The following SEPTIN4 variants were observed in gnomAD, a reference collection of about 807,000 sequenced individuals.
SEPTIN4 encodes the protein septin-4.
SEPTIN4 carries 52 observed loss-of-function variants against 107.1 expected under a neutral mutation model. That is an observed-to-expected ratio of 0.49 (90% CI 0.39 to 0.61). SEPTIN4 has a LOEUF of 0.61. Among genes scored for constraint, SEPTIN4 ranks in the 20% least tolerant of loss-of-function variants. The pLI is 0.00. For missense variants in SEPTIN4, 1,048 were observed against 1,243.5 expected (o/e 0.84, Z 2.36); for synonymous variants, 417 against 467.0 (o/e 0.89, Z 1.38).
chr17:58,520,409 C>A lies in SEPTIN4; in HGVS notation c.*17G>T, dbSNP rs2042133097. On this transcript the variant is annotated 3_prime_UTR_variant, in exon 14 of 14. Coordinates refer to ENST00000672673, the MANE Select transcript of SEPTIN4 (RefSeq NM_001368771.2). ...GAAGAAGAGGAGGAGATTTAAATATCCAGGGCTGAAAGCCAGTTAATAGTT... is the reference window on the plus strand; with the variant it reads ...GAAGAAGAGGAGGAGATTTAAATATACAGGGCTGAAAGCCAGTTAATAGTT... 6.2e-7 allele frequency: 1 copy of A among 1,611,702 alleles called. No homozygotes were observed. The highest frequency in any genetic ancestry group is 1.1e-5 in the South Asian group (1 of 90,960).
intron 7 of SEPTIN4, among the ~76,000 whole-genome samples, chr17:58,522,765 T>C (rs2042413702): frequency 1.3e-5 from 2 of 151,740 alleles, no homozygotes; most frequent in Non-Finnish European, 2.9e-5. Context: ...CAGTGTAACC[T>C]CAGAGCCTCT....
intron 3 of SEPTIN4, chr17:58,532,102 GGGGGCGGAGCGAGTCGGCCCC>G (rs1475072594): frequency 7.5e-6 from 8 of 1,066,736 alleles, no homozygotes; most frequent in East Asian, 6.6e-5. Flanking sequence ...GCCCGGCGGC[GGGGGCGGAGCGAGTCGGCCCC>G]GGGGCGGGGC....
Position 58,543,489 on chromosome 17 carries a change from G to C in SEPTIN4, c.698C>G (p.Ser233Cys), listed in dbSNP as rs759732699. The change falls in exon 1 of 14, where the codon TCT becomes TGT. Residue 233 changes from serine (S) to cysteine (C), a missense_variant. Coordinates refer to ENST00000672673, the MANE Select transcript of SEPTIN4 (RefSeq NM_001368771.2). ...TCTCTGGGCTGTCTGATAGTCTGCA[G>C]AGACACAGCTGCTTCCGTGCTCTAG... is the stretch of plus-strand genomic sequence containing the variant. Reference protein sequence around the residue: ...SLLEHGSSCVSADYQTAQRRV... With the variant: ...SLLEHGSSCVCADYQTAQRRV... The C allele has an allele frequency of 6.2e-7, 1 of 1,614,244 alleles. No homozygotes were observed. Among genetic ancestry groups the C allele is most frequent in the African/African-American group, 1.3e-5 (1 of 75,074 alleles).
At chr17:58,532,002 G>A in intron 3 of SEPTIN4, 1 of 1,139,746 alleles carries the variant, frequency 8.8e-7, no homozygotes, top group Non-Finnish European at 1.1e-6. Context: ...CCTGGACAGC[G>A]CCCGAGCGAC....
At chr17:58,532,589 C>T (rs2043555168) in intron 3 of SEPTIN4, among the ~76,000 whole-genome samples, 1 of 152,240 alleles carries the variant, frequency 6.6e-6, no homozygotes, top group African/African-American at 2.4e-5. Context: ...TCCCTTCATG[C>T]AGTACCCCAG....
Position 58,525,132 on chromosome 17 carries a change from C to T in SEPTIN4, c.2162G>A (p.Arg721Gln), listed in dbSNP as rs779427385. 27 of 1,614,038 alleles carry T rather than the reference C, an allele frequency of 1.7e-5. No individual in the cohort carries two copies. The highest frequency in any genetic ancestry group is 2.2e-5 in the Non-Finnish European group (26 of 1,180,036). ...ACCTGGTGTGTCCACAATGGTGAGCCGCAGCCTCACACCCTTCTCTTCTAT... is the reference window on the plus strand; with the variant it reads ...ACCTGGTGTGTCCACAATGGTGAGCTGCAGCCTCACACCCTTCTCTTCTAT... ...VDIEEKGVRL[R>Q]LTIVDTPGFG... is the part of the protein sequence containing the mutation. The change falls in exon 7 of 14, where the codon CGG (arginine) becomes CAG (glutamine). Residue 721 changes from arginine (R) to glutamine (Q), a missense_variant. By Grantham distance (43) the Arg-to-Gln change is conservative. Coordinates refer to ENST00000672673, the MANE Select transcript of SEPTIN4 (RefSeq NM_001368771.2).
At chr17:58,534,293 G>A (rs763141003) in intron 3 of SEPTIN4, among the ~76,000 whole-genome samples, 13 of 152,184 alleles carry the variant, frequency 8.5e-5, no homozygotes, top group Admixed American at 2.0e-4. Context: ...TGCAGCATTC[G>A]GAGAGCTCTG....
In SEPTIN4 at chr17:58,520,810, G is replaced by A. The variant is rs755947068; in HGVS notation, c.2864C>T (p.Pro955Leu). 2.5e-6 allele frequency: 4 copies of A among 1,614,014 alleles called. No homozygotes were observed. Among genetic ancestry groups the A allele is most frequent in the Non-Finnish European group, 3.4e-6 (4 of 1,180,020 alleles). Reference sequence around the variant, plus strand: ...TGTCCCTGGTGGGACAGCAGGGATGGGGAAGTCGGTACCACTTTCCCGAGT... The same window carrying A: ...TGTCCCTGGTGGGACAGCAGGGATGAGGAAGTCGGTACCACTTTCCCGAGT... ...KLTRESGTDF[P>L]IPAVPPGTDP... is the part of the protein sequence containing the mutation. Residue 955 changes from proline (P) to leucine (L), a missense_variant, in exon 13 of 14, where the codon CCC becomes CTC. This residue lies in a region of SEPTIN4 where 261 missense variants were observed against 371.7 expected (regional missense o/e 0.70). Transcript: ENST00000672673.
chr17:58,539,230 A>G, intron 3 of SEPTIN4: 12 of 1,476,592 alleles, frequency 8.1e-6, no homozygotes, highest in Non-Finnish European at 1.1e-5. Context: ...GAGACCGGAT[A>G]AGAGCTATTT....
At position 58,525,179 on chromosome 17, in the gene SEPTIN4, C is replaced by A. The variant is rs1248275846; in HGVS notation, c.2115G>T (p.Glu705Asp). ...CTATGTCCACTGCATGCTTAGTGAT[C>A]TCCACAGTTTGCATGATCCTCTCTG... ...GAEERIMQTV[E>D]ITKHAVDIEE... The change falls in exon 7 of 14, where the codon GAG becomes GAT. Residue 705 changes from glutamate to aspartate, a missense_variant. Transcript: ENST00000672673. 6.2e-7 allele frequency: 1 copy of A among 1,614,134 alleles called. No homozygotes were observed. The highest frequency in any genetic ancestry group is 2.2e-5 in the East Asian group (1 of 44,882).
In SEPTIN4 at chr17:58,526,615, C is replaced by G. The variant is rs978926535; in HGVS notation, c.1911+67G>C. On this transcript the variant is annotated intron_variant, in intron 4 of 13. Transcript: ENST00000672673. Reference sequence around the variant, plus strand: ...ACACACACACACACACACACACACTCTGCTCCCTGCCCCCGGTCTTCCTGC... The same window carrying G: ...ACACACACACACACACACACACACTGTGCTCCCTGCCCCCGGTCTTCCTGC... 8 of 1,513,274 alleles carry G rather than the reference C, an allele frequency of 5.3e-6. No individual in the cohort carries two copies. In the African/African-American group the frequency reaches 9.8e-5, roughly 19 times the overall value. The allele number at this position is 1,513,274 out of a possible 1,614,324, so 93.7% of individuals were successfully genotyped here. A position where few individuals can be genotyped will look rare whatever the true frequency, so the allele number is the denominator to read the frequency against.
rs1220041714 is a variant in SEPTIN4 at position 58,526,828 on chromosome 17, G to T, written c.1765C>A (p.Leu589Ile). 3 of 1,613,726 alleles carry T rather than the reference G, an allele frequency of 1.9e-6. No homozygotes were observed. The highest frequency in any genetic ancestry group is 1.3e-5 in the African/African-American group (1 of 74,896). Residue 589 changes from leucine to isoleucine, a missense_variant, in exon 4 of 14, where the codon CTC becomes ATC. Around this residue, in one of 2 missense-constraint regions of SEPTIN4, gnomAD observed 787 missense variants for 871.8 expected, o/e 0.90. Transcript: ENST00000672673. ...CTGAACTCCAGGTCATCATCATAGA[G>T]GTCCGGGGCCTGGGGCCTTGGCTCC... is the stretch of plus-strand genomic sequence containing the variant. ...VPEPRPQAPD[L>I]YDDDLEFRPP...
At chr17:58,527,451 A>G in intron 3 of SEPTIN4, 3 of 286,916 alleles carry the variant, frequency 1.0e-5, no homozygotes, top group Non-Finnish European at 1.4e-5. Context: ...GGAAGTAGGC[A>G]GGGGAGAAGA....
rs930526625 is a variant in SEPTIN4 at position 58,544,200 on chromosome 17, C to T, written c.-14G>A. On this transcript the variant is annotated 5_prime_UTR_variant, in exon 1 of 14. Coordinates refer to ENST00000672673, the MANE Select transcript of SEPTIN4 (RefSeq NM_001368771.2). Reference sequence around the variant, plus strand: ...TGTCTTGACCATCTGATAGATTGTGCCCTTCTGAGTAGATCCCGTATTTTA... The same window carrying T: ...TGTCTTGACCATCTGATAGATTGTGTCCTTCTGAGTAGATCCCGTATTTTA... 1.6e-5 allele frequency: 26 copies of T among 1,599,880 alleles called. No homozygotes were observed. Among genetic ancestry groups the T allele is most frequent in the African/African-American group, 9.4e-5 (7 of 74,712 alleles).
rs1182093431 is a variant in SEPTIN4, at chr17:58,538,751, G to A, written c.1614+1915C>T. ...AAGCATCTGTCCACCCCATTCCTTA[G>A]ACAAAAGGGCTTTGAGGGGCCATTT... On this transcript the variant is annotated intron_variant, in intron 3 of 13. Transcript: ENST00000672673. This position sits in a 1 kb window ranked among gnomAD's most constrained non-coding sequence, Gnocchi z 4.7. Among the ~76,000 whole-genome samples the A allele has an allele frequency of 2.6e-5, 4 of 152,134 alleles. No individual in the cohort carries two copies. In the East Asian group the frequency reaches 7.7e-4, roughly 29 times the overall value.
rs532746139 is a variant in SEPTIN4, at chr17:58,543,828, T to A, written c.359A>T (p.Gln120Leu). ...QTLASHASSR[Q>L]WKVSPPREEA... ...CTCTCTGGGTGGACTAACTTTCCAT[T>A]GTCTGCTTGAAGCATGGGAAGCCAG... Residue 120 changes from glutamine to leucine, a missense_variant, in exon 1 of 14, where the codon CAA (glutamine) becomes CTA (leucine). Gln to Leu is a moderately radical substitution (Grantham distance 113, BLOSUM62 -2). Around this residue, in one of 2 missense-constraint regions of SEPTIN4, gnomAD observed 787 missense variants for 871.8 expected, o/e 0.90. Coordinates refer to ENST00000672673, the MANE Select transcript of SEPTIN4 (RefSeq NM_001368771.2). 6.2e-7 allele frequency: 1 copy of A among 1,614,060 alleles called. No homozygotes were observed. The highest frequency in any genetic ancestry group is 1.3e-5 in the African/African-American group (1 of 74,904).
Position 58,542,630 on chromosome 17 carries a change from G to T in SEPTIN4, c.1557C>A (p.Phe519Leu). 1 of 1,608,996 alleles carries T rather than the reference G, an allele frequency of 6.2e-7. No homozygotes were observed. Among genetic ancestry groups the T allele is most frequent in the Non-Finnish European group, 8.5e-7 (1 of 1,177,668 alleles). ...GCAGTCTGCTTCTTCACATACCCAGGAAGAAAGCAGTAAACCTTTGAATGG... is the reference window on the plus strand; with the variant it reads ...GCAGTCTGCTTCTTCACATACCCAGTAAGAAAGCAGTAAACCTTTGAATGG... ...KQPIQRFTAFFLDVSEEMYNR... is the reference protein window; with the variant it reads ...KQPIQRFTAFLLDVSEEMYNR... Residue 519 changes from phenylalanine (F) to leucine (L), a missense_variant, in exon 1 of 14, where the codon TTC (phenylalanine) becomes TTA (leucine). Coordinates refer to ENST00000672673, the MANE Select transcript of SEPTIN4 (RefSeq NM_001368771.2).
At chr17:58,540,305 G>C (rs1297537433) in intron 3 of SEPTIN4, among the ~76,000 whole-genome samples, 2 of 152,104 alleles carry the variant, frequency 1.3e-5, no homozygotes, top group Non-Finnish European at 2.9e-5. Flanking sequence ...AACCAGGTGG[G>C]GACTGATCCA....
intron 3 of SEPTIN4, chr17:58,527,755 C>A: frequency 1.2e-6 from 1 of 815,956 alleles, no homozygotes; most frequent in South Asian, 5.5e-5. Flanking sequence ...AAAGGCTGGG[C>A]CTCCAGAGCT....
Sources: allele counts gnomAD v4.1 joint callset (sites outside exome capture counted in the v4.1 genomes callset), GRCh38; gene constraint gnomAD v4.1.1; regional missense constraint gnomAD v4.1.1; non-coding constraint Gnocchi (gnomAD v3.1); transcripts MANE v1.5; gene names NCBI Gene and HGNC (gene_info 2026-07-23, HGNC 2026-07-21).